The following ROR1 variants were observed in gnomAD, a reference collection of about 807,000 sequenced individuals.
ROR1 encodes the protein ROR family WNT receptor 1.
In ROR1, 19 loss-of-function variants were observed where a neutral mutation model predicts 78.8. The observed-to-expected ratio is 0.24, with a 90% confidence interval of 0.17 to 0.35. ROR1 has a LOEUF of 0.35. ROR1 is among the 10% of genes least tolerant of loss of function. ROR1 has a pLI of 1.00. For synonymous variants in ROR1, 386 were observed against 433.6 expected, an observed-to-expected ratio of 0.89 and a Z score of 1.36; for missense variants, 917 against 1,177.8, an observed-to-expected ratio of 0.78 and a Z score of 3.24.
intron 2 of ROR1, among the ~76,000 whole-genome samples, chr1:64,024,646 A>G (rs989230318): frequency 3.9e-5 from 6 of 152,190 alleles, no homozygotes; most frequent in Non-Finnish European, 7.3e-5. Context: ...AGGGCCCAGG[A>G]CAGTACCTGG....
chr1:63,798,158 T>C (rs1241971529), intron 1 of ROR1, among the ~76,000 whole-genome samples: 1 of 152,282 alleles, frequency 6.6e-6, no homozygotes, highest in East Asian at 1.9e-4. Context: ...ATACAATTGT[T>C]ACCAATCTAG....
At chr1:63,880,813 A>G (rs1449519590) in intron 1 of ROR1, among the ~76,000 whole-genome samples, 1 of 152,150 alleles carries the variant, frequency 6.6e-6, no homozygotes, top group Non-Finnish European at 1.5e-5. Context: ...CACGCAGTAA[A>G]TATTTATCAG....
chr1:64,021,392 G>A (rs558403413), intron 2 of ROR1, among the ~76,000 whole-genome samples: 1 of 152,300 alleles, frequency 6.6e-6, no homozygotes, highest in Admixed American at 6.5e-5. Flanking sequence ...GGCAGGCACT[G>A]TGCTGATACA....
At chr1:63,918,960 A>T (rs1240283437) in intron 1 of ROR1, among the ~76,000 whole-genome samples, 1 of 152,230 alleles carries the variant, frequency 6.6e-6, no homozygotes, top group East Asian at 1.9e-4. Context: ...AAGCAAATAA[A>T]ACCAGTTAGC....
intron 4 of ROR1, among the ~76,000 whole-genome samples, chr1:64,084,066 CAA>C (rs1213119418): frequency 2.6e-5 from 4 of 152,288 alleles, no homozygotes; most frequent in African/African-American, 9.6e-5. Context: ...AACTATAACT[CAA>C]GTGTTCAGAG....
intron 1 of ROR1, among the ~76,000 whole-genome samples, chr1:63,845,197 A>C (rs1057144658): frequency 6.6e-6 from 1 of 152,144 alleles, no homozygotes; most frequent in Non-Finnish European, 1.5e-5. Flanking sequence ...GTTTCTCCAT[A>C]TATGTGTTAA....
At chr1:64,069,145 AT>A (rs1220302205) in intron 4 of ROR1, among the ~76,000 whole-genome samples, 10 of 151,810 alleles carry the variant, frequency 6.6e-5, no homozygotes, top group East Asian at 5.8e-4. Context: ...AATTTCATCA[AT>A]TTTTTTTAAC....
At chr1:64,142,672 T>C in intron 7 of ROR1, 22 bp downstream of exon 7, 1 of 1,612,740 alleles carries the variant, frequency 6.2e-7, no homozygotes, top group Non-Finnish European at 8.5e-7. Context: ...TCATTGCCCC[T>C]AATGTATTCA....
At chr1:64,147,774 C>A (rs562465802) in intron 7 of ROR1, among the ~76,000 whole-genome samples, 49 of 152,270 alleles carry the variant, frequency 3.2e-4, no homozygotes, top group African/African-American at 1.1e-3. Flanking sequence ...CAAATGAATT[C>A]ATGGAAACCA....
chr1:64,073,348 C>T (rs1376918760), intron 4 of ROR1, among the ~76,000 whole-genome samples: 4 of 152,116 alleles, frequency 2.6e-5, no homozygotes, highest in Non-Finnish European at 4.4e-5. Flanking sequence ...TTTATTTTAC[C>T]CATTTTTCTC....
Position 64,110,198 on chromosome 1 carries a change from G to A in ROR1, c.483-27171G>A, listed in dbSNP as rs984317847. Among the ~76,000 whole-genome samples, 4 of 151,676 alleles carry A rather than the reference G, an allele frequency of 2.6e-5. No homozygotes were observed. The South Asian group carries it at 8.3e-4, about 31-fold the overall frequency. On this transcript the variant is annotated intron_variant, in intron 4 of 8. Transcript: ENST00000371079. ...TGGATAAATCCTTCTAATATTCAAAGCAATGAAGGCAGCTCACTTTTCTCC... is the reference window on the plus strand; with the variant it reads ...TGGATAAATCCTTCTAATATTCAAAACAATGAAGGCAGCTCACTTTTCTCC...
chr1:63,943,405 C>G (rs1645857294), intron 1 of ROR1, among the ~76,000 whole-genome samples: 1 of 152,150 alleles, frequency 6.6e-6, no homozygotes, highest in African/African-American at 2.4e-5. Context: ...AGCAATTGGT[C>G]TCAGCTTGGA....
At chr1:64,065,631 A>T (rs1306197460) in intron 4 of ROR1, among the ~76,000 whole-genome samples, 1 of 152,186 alleles carries the variant, frequency 6.6e-6, no homozygotes, top group Non-Finnish European at 1.5e-5. Flanking sequence ...GAAGTCCAGT[A>T]GTGGAGGTCA....
At chr1:64,050,061 A>G in intron 3 of ROR1, 83 bp downstream of exon 3, 8 of 1,433,272 alleles carry the variant, frequency 5.6e-6, no homozygotes, top group Non-Finnish European at 7.7e-6. Context: ...ACAGGAAGGA[A>G]GGAATGCACA....
At position 64,049,989 on chromosome 1, in the gene ROR1, C is replaced by T; in HGVS notation, c.451+11C>T. On this transcript the variant is annotated intron_variant, in intron 3 of 8. Transcript: ENST00000371079. The stretch of plus-strand genomic sequence containing the variant: ...TGTTTGTCAAGTTTGGTAAGCAGAC[C>T]CCTACTGGGGATGGACTTTGGCCCT... The T allele has an allele frequency of 6.2e-7, 1 of 1,613,528 alleles. No individual in the cohort carries two copies. The highest frequency in any genetic ancestry group is 8.5e-7 in the Non-Finnish European group (1 of 1,179,776).
At chr1:64,050,655 T>C (rs368116342) in intron 3 of ROR1, 31 bp from the exon 4 acceptor site, 2 of 1,609,816 alleles carry the variant, frequency 1.2e-6, no homozygotes, top group Non-Finnish European at 1.7e-6. Context: ...CTAGACTGAC[T>C]GTTTCTTTTG....
At chr1:63,999,063 C>T (rs755290488) in intron 1 of ROR1, among the ~76,000 whole-genome samples, 12 of 152,228 alleles carry the variant, frequency 7.9e-5, no homozygotes, top group Non-Finnish European at 1.8e-4. Context: ...GTCCATTAAA[C>T]CTGTTTTTCT....
chr1:63,859,530 A>G (rs964768652), intron 1 of ROR1, among the ~76,000 whole-genome samples: 4 of 152,246 alleles, frequency 2.6e-5, no homozygotes, highest in Non-Finnish European at 5.9e-5. Flanking sequence ...CATTCATGCA[A>G]TAAGCAAATG....
intron 8 of ROR1, among the ~76,000 whole-genome samples, chr1:64,169,298 A>G (rs1650174137): frequency 6.6e-6 from 1 of 152,210 alleles, no homozygotes; most frequent in Admixed American, 6.5e-5. Flanking sequence ...GGTTTAATGG[A>G]CTTACAGTTC....
Sources: allele counts gnomAD v4.1 joint callset (sites outside exome capture counted in the v4.1 genomes callset), GRCh38; gene constraint gnomAD v4.1.1; transcripts MANE v1.5; gene names NCBI Gene and HGNC (gene_info 2026-07-23, HGNC 2026-07-21).